Variants in UNC13C observed in about 807,000 individuals in gnomAD.
The protein encoded by UNC13C is unc-13 homolog C, also known as protein unc-13 homolog C.
A neutral mutation model predicts 245.4 loss-of-function variants in UNC13C; 174 were observed. The ratio of observed to expected loss-of-function variants is 0.71; its 90% confidence interval spans 0.63 to 0.80. The LOEUF is 0.80. UNC13C is among the 30% of genes least tolerant of loss of function. UNC13C has a pLI of 0.00. For missense variants in UNC13C, 2,829 were observed against 2,602.9 expected (o/e 1.09, Z -1.89); for synonymous variants, 992 against 895.1 (o/e 1.11, Z -1.93).
intron 19 of UNC13C, among the ~76,000 whole-genome samples, chr15:54,477,986 A>C (rs967607443): frequency 6.0e-5 from 9 of 148,846 alleles, no homozygotes; most frequent in African/African-American, 1.2e-4. Context: ...ACAATTTCAG[A>C]TCCTGTTATT....
rs373558868 is a variant in UNC13C, at chr15:54,284,749, A to G, written c.3819-9146A>G. Among the ~76,000 whole-genome samples the G allele has an allele frequency of 3.9e-5, 6 of 152,244 alleles. No homozygotes were observed. In the South Asian group the frequency reaches 1.0e-3, roughly 26 times the overall value. ...CAAAATGAACACGGGGTATTTTCCT[A>G]AACAATTTTTTATGTTTATTATTTT... On this transcript the variant is annotated intron_variant, in intron 10 of 32. Transcript: ENST00000260323.
At chr15:54,359,668 A>G (rs566246074) in intron 17 of UNC13C, among the ~76,000 whole-genome samples, 1 of 151,844 alleles carries the variant, frequency 6.6e-6, no homozygotes, top group Non-Finnish European at 1.5e-5. Flanking sequence ...GTATTGAATC[A>G]TTTGTATTTC....
At chr15:54,128,235 A>G (rs1275062476) in intron 2 of UNC13C, among the ~76,000 whole-genome samples, 1 of 152,248 alleles carries the variant, frequency 6.6e-6, no homozygotes, top group Non-Finnish European at 1.5e-5. Context: ...TACAAGAACT[A>G]CAAAACCTTG....
At chr15:54,288,725 T>C (rs1198449034) in intron 10 of UNC13C, among the ~76,000 whole-genome samples, 1 of 152,108 alleles carries the variant, frequency 6.6e-6, no homozygotes, top group Admixed American at 6.6e-5. Flanking sequence ...TCTCAGCATG[T>C]ATATATGACT....
intron 4 of UNC13C, among the ~76,000 whole-genome samples, chr15:54,168,781 C>T (rs1281962297): frequency 6.6e-6 from 1 of 151,994 alleles, no homozygotes; most frequent in Admixed American, 6.6e-5. Context: ...TCAGCGAAAA[C>T]TAAAAATAAA....
intron 2 of UNC13C, among the ~76,000 whole-genome samples, chr15:54,024,154 C>T (rs570333589): frequency 1.1e-4 from 16 of 152,204 alleles, no homozygotes; most frequent in African/African-American, 3.9e-4. Context: ...GAGAGGAGAC[C>T]GACTCCAGTG....
chr15:53,951,779 C>T, the UNC13C span, among the ~76,000 whole-genome samples: 4 of 152,076 alleles, frequency 2.6e-5, no homozygotes, highest in African/African-American at 7.2e-5. Flanking sequence ...GGTATCACAT[C>T]CTTTATTTGT....
chr15:54,109,052 A>G (rs28738092), intron 2 of UNC13C, among the ~76,000 whole-genome samples: 78,277 of 151,688 alleles, frequency 0.52, 20,334 homozygotes, highest in East Asian at 0.61. Context: ...TACCTGCCCA[A>G]GGGGAAAGTT....
intron 19 of UNC13C, among the ~76,000 whole-genome samples, chr15:54,487,547 A>G (rs977171786): frequency 6.6e-6 from 1 of 152,070 alleles, no homozygotes. Flanking sequence ...CGAGTGGATT[A>G]CTTGAGGTCA....
intron 2 of UNC13C, among the ~76,000 whole-genome samples, chr15:54,132,840 A>G (rs189306455): frequency 3.9e-4 from 60 of 152,322 alleles, no homozygotes; most frequent in Middle Eastern, 3.4e-3. Context: ...TCACTGAAGA[A>G]CCTCAGAGCA....
At chr15:53,930,435 C>A in the UNC13C span, among the ~76,000 whole-genome samples, 2 of 152,210 alleles carry the variant, frequency 1.3e-5, no homozygotes, top group Admixed American at 1.3e-4. Flanking sequence ...GGTGGAATTG[C>A]TGGTGACCAT....
intron 1 of UNC13C, among the ~76,000 whole-genome samples, chr15:54,010,790 T>C (rs1449680347): frequency 1.3e-5 from 2 of 152,182 alleles, no homozygotes; most frequent in Non-Finnish European, 2.9e-5. Context: ...AAGGCATTAC[T>C]ATGTCACCTC....
chr15:54,522,218 C>T (rs956988949), intron 24 of UNC13C, among the ~76,000 whole-genome samples: 2 of 151,962 alleles, frequency 1.3e-5, no homozygotes, highest in African/African-American at 4.8e-5. Flanking sequence ...CGCCTGTAAT[C>T]CCAGCACTTT....
At chr15:54,081,477 G>C (rs1234890722) in intron 2 of UNC13C, among the ~76,000 whole-genome samples, 1 of 151,934 alleles carries the variant, frequency 6.6e-6, no homozygotes, top group Non-Finnish European at 1.5e-5. Context: ...TCTGATACTG[G>C]GTTTGTATAT....
the UNC13C span, among the ~76,000 whole-genome samples, chr15:53,956,999 ATAT>A: frequency 6.6e-6 from 1 of 152,176 alleles, no homozygotes; most frequent in Non-Finnish European, 1.5e-5. Flanking sequence ...CAAAACACTG[ATAT>A]TATCTTCATA....
the UNC13C span, among the ~76,000 whole-genome samples, chr15:53,926,156 C>T: frequency 6.6e-6 from 1 of 151,556 alleles, no homozygotes; most frequent in Non-Finnish European, 1.5e-5. Flanking sequence ...GACTCATAGA[C>T]ATTAAAGCAG....
At chr15:54,538,752 AC>A (rs200716063) in intron 26 of UNC13C, among the ~76,000 whole-genome samples, 5,671 of 152,206 alleles carry the variant, frequency 0.037, 351 homozygotes, top group African/African-American at 0.13. Flanking sequence ...GGAACAGGAA[AC>A]CAAATACTGC....
chr15:54,241,708 A>G (rs563246587), intron 7 of UNC13C, among the ~76,000 whole-genome samples: 1 of 152,258 alleles, frequency 6.6e-6, no homozygotes, highest in East Asian at 1.9e-4. Flanking sequence ...AACCCTTCCC[A>G]TTCCCCCTTT....
At chr15:53,963,601 C>T in the UNC13C span, among the ~76,000 whole-genome samples, 674 of 152,216 alleles carry the variant, frequency 4.4e-3, 1 homozygote, top group Non-Finnish European at 6.9e-3. Context: ...CGTTAATTCT[C>T]AGTACAAATC....
Sources: allele counts gnomAD v4.1 joint callset (sites outside exome capture counted in the v4.1 genomes callset), GRCh38; gene constraint gnomAD v4.1.1; transcripts MANE v1.5; gene names NCBI Gene and HGNC (gene_info 2026-07-23, HGNC 2026-07-21).